Variants in PML observed in about 807,000 individuals in gnomAD.
PML encodes the protein PML nuclear body scaffold.
A neutral mutation model predicts 65.2 loss-of-function variants in PML; 28 were observed. That is an observed-to-expected ratio of 0.43 (90% CI 0.32 to 0.59). The LOEUF is 0.59. Ranked by LOEUF, PML falls within the 20% of genes least tolerant of loss-of-function variation. The probability of loss-of-function intolerance (pLI) is 0.08; values close to 1 mark genes in which losing one functional copy is unlikely to be tolerated. For missense variants in PML, 1,021 were observed against 1,203.4 expected (o/e 0.85, Z 2.24); for synonymous variants, 500 against 508.8 (o/e 0.98, Z 0.23).
Position 74,037,041 on chromosome 15 carries a change from C to G in PML, c.1710+2511C>G. 3.0e-6 allele frequency: 3 copies of G among 985,464 alleles called. No individual in the cohort carries two copies. Among genetic ancestry groups the G allele is most frequent in the Non-Finnish European group, 3.6e-6 (3 of 829,932 alleles). 61.0% of individuals were successfully genotyped at this position (985,464 alleles called of 1,614,324 possible). ...ATCCTGGAAGGACTCAGGAGCTTGTCGCCTCTGTGCTGCCACCTGGAGACC... is the reference window on the plus strand; with the variant it reads ...ATCCTGGAAGGACTCAGGAGCTTGTGGCCTCTGTGCTGCCACCTGGAGACC... On this transcript the variant is annotated intron_variant, in intron 7 of 8. Transcript: ENST00000268058. The surrounding 1 kb of genome is among the most constrained non-coding windows in gnomAD (Gnocchi z 4.2).
Position 74,035,065 on chromosome 15 carries a change from A to G in PML, c.1710+535A>G. The G allele has an allele frequency of 3.0e-6, 4 of 1,328,384 alleles. No homozygotes were observed. The allele number at this position is 1,328,384 out of a possible 1,614,324, so 82.3% of individuals were successfully genotyped here. A position where few individuals can be genotyped will look rare whatever the true frequency, so the allele number is the denominator to read the frequency against. The stretch of plus-strand genomic sequence containing the variant: ...CTAGAGGTTTATTACTAGAGGCTGG[A>G]CTATCACCTGTCCAGGGGAAAAGGG... On this transcript the variant is annotated intron_variant, in intron 7 of 8. Coordinates refer to ENST00000268058, the MANE Select transcript of PML (RefSeq NM_033238.3). The surrounding 1 kb of genome is among the most constrained non-coding windows in gnomAD (Gnocchi z 4.1).
intron 2 of PML, among the ~76,000 whole-genome samples, chr15:74,009,732 T>G (rs2070231298): frequency 6.6e-6 from 1 of 151,496 alleles, no homozygotes; most frequent in South Asian, 2.1e-4. Flanking sequence ...TACCTTAGCC[T>G]TCCTAGTTTG....
At chr15:74,025,051 T>A in intron 4 of PML, 124 bp downstream of exon 4, 1 of 727,498 alleles carries the variant, frequency 1.4e-6, no homozygotes, top group South Asian at 1.5e-5. Context: ...GTGGCTGGAC[T>A]GGAAATTTCA....
chr15:74,032,780 G>A (rs1303476606), intron 5 of PML, 65 bp downstream of exon 5: 1 of 1,551,246 alleles, frequency 6.4e-7, no homozygotes, highest in Non-Finnish European at 8.9e-7. Flanking sequence ...AAAGTGAGCT[G>A]GCACTGGGGT....
In PML at chr15:74,045,255, A is replaced by T; in HGVS notation, c.*247A>T. On this transcript the variant is annotated 3_prime_UTR_variant, in exon 9 of 9. Transcript: ENST00000268058. ...ACTCCTATTAGCCCCTCCTTCCAGGAGCTAGAACCAGGGAGGTCCTGAGTG... is the reference window on the plus strand; with the variant it reads ...ACTCCTATTAGCCCCTCCTTCCAGGTGCTAGAACCAGGGAGGTCCTGAGTG... 1.2e-5 allele frequency: 6 copies of T among 517,604 alleles called. No individual in the cohort carries two copies. The South Asian group carries it at 1.4e-4, about 12-fold the overall frequency. The allele number at this position is 517,604 out of a possible 1,614,324, so 32.1% of individuals were successfully genotyped here.
In PML at chr15:74,035,508, A is replaced by T; in HGVS notation, c.1710+978A>T. 6.2e-7 allele frequency: 1 copy of T among 1,611,662 alleles called. No individual in the cohort carries two copies. On this transcript the variant is annotated intron_variant, in intron 7 of 8. Coordinates refer to ENST00000268058, the MANE Select transcript of PML (RefSeq NM_033238.3). The surrounding 1 kb of genome is among the most constrained non-coding windows in gnomAD (Gnocchi z 4.1). ...GCACCCTCAATTGCATCGGGCCCCT[A>T]TTCGGACTTGGTCTCCCCATGTGGT... is the stretch of plus-strand genomic sequence containing the variant.
At chr15:74,028,262 G>A (rs1016271417) in intron 4 of PML, 1 of 152,112 alleles carries the variant, frequency 6.6e-6, no homozygotes, top group African/African-American at 2.4e-5. Flanking sequence ...CCTCTGGTGT[G>A]TTCCCTGTTT....
intron 2 of PML, among the ~76,000 whole-genome samples, chr15:74,016,792 C>CTTTTTATTTTTTTTTTT (rs2070601372): frequency 1.3e-5 from 1 of 77,648 alleles, no homozygotes; most frequent in East Asian, 4.4e-4. Context: ...GCAGTGGCAT[C>CTTTTTATTTTTTTTTTT]TTTTTTTTTT....
At chr15:74,013,933 G>A (rs947422680) in intron 2 of PML, among the ~76,000 whole-genome samples, 2 of 152,120 alleles carry the variant, frequency 1.3e-5, no homozygotes, top group Non-Finnish European at 2.9e-5. Context: ...GTAGTGTATT[G>A]TTATGAAAGT....
In PML at chr15:74,043,380, G is replaced by A; in HGVS notation, c.1861+241G>A. ...GCGAGAGAGGCAGATGCCTCCACAA[G>A]TGCACCTCTGACCAGTTCTTCTCTC... On this transcript the variant is annotated intron_variant, in intron 8 of 8. Transcript: ENST00000268058. The surrounding 1 kb of genome is among the most constrained non-coding windows in gnomAD (Gnocchi z 4.3). 5 of 1,435,786 alleles carry A rather than the reference G, an allele frequency of 3.5e-6. No homozygotes were observed. Among genetic ancestry groups the A allele is most frequent in the Non-Finnish European group, 3.6e-6 (4 of 1,101,584 alleles). The allele number at this position is 1,435,786 out of a possible 1,614,324, so 88.9% of individuals were successfully genotyped here. A position where few individuals can be genotyped will look rare whatever the true frequency, so the allele number is the denominator to read the frequency against.
intron 2 of PML, 37 bp from the exon 3 acceptor site, chr15:74,022,791 G>C: frequency 6.5e-7 from 1 of 1,547,794 alleles, no homozygotes; most frequent in Non-Finnish European, 8.9e-7. Context: ...AAAAAGTCAG[G>C]AGAGTCCTAA....
In PML at chr15:74,022,927, G is replaced by A. The variant is rs2070904640; in HGVS notation, c.702G>A (p.Gln234=). ...AGTGCGACATCAGCGCAGAGATCCA[G>A]CAGCGACAGGAGGAGCTGGACGCCA... ...ELKCDISAEI[Q]QRQEELDAMT... is the part of the protein sequence containing the mutation. Residue 234 remains glutamine (Q), a synonymous_variant, in exon 3 of 9, where the codon CAG becomes CAA. Transcript: ENST00000268058. 5.6e-6 allele frequency: 9 copies of A among 1,612,468 alleles called. No individual in the cohort carries two copies. The highest frequency in any genetic ancestry group is 7.6e-6 in the Non-Finnish European group (9 of 1,179,398).
At position 74,043,210 on chromosome 15, in the gene PML, G is replaced by A. The variant is rs1276897759; in HGVS notation, c.1861+71G>A. The stretch of plus-strand genomic sequence containing the variant: ...TGAGTCCCAAAAAGAAGTGCAGGCA[G>A]AGCCATCTGCCAGGCCCAGGAGAGC... On this transcript the variant is annotated intron_variant, in intron 8 of 8. Coordinates refer to ENST00000268058, the MANE Select transcript of PML (RefSeq NM_033238.3). This position sits in a 1 kb window ranked among gnomAD's most constrained non-coding sequence, Gnocchi z 4.3. 1.2e-6 allele frequency: 2 copies of A among 1,613,500 alleles called. No individual in the cohort carries two copies. The highest frequency in any genetic ancestry group is 1.7e-6 in the Non-Finnish European group (2 of 1,179,818).
Position 74,033,170 on chromosome 15 carries a change from A to C in PML, c.1413A>C (p.Thr471=). ...CCTCTATGCAGGATGTCTCCAATAC[A>C]ACGACAGCCCAGAAGAGGAAGTGCA... ...GPSYGEDVSN[T]TTAQKRKCSQ... is the part of the protein sequence containing the mutation. The change falls in exon 6 of 9, where the codon ACA becomes ACC. Residue 471 remains threonine (T), a synonymous_variant. Transcript: ENST00000268058. 6.2e-7 allele frequency: 1 copy of C among 1,614,090 alleles called. No homozygotes were observed. Among genetic ancestry groups the C allele is most frequent in the South Asian group, 1.1e-5 (1 of 91,070 alleles).
intron 4 of PML, 156 bp downstream of exon 4, chr15:74,025,083 C>A: frequency 4.6e-6 from 3 of 653,898 alleles, no homozygotes; most frequent in Non-Finnish European, 8.5e-6. Context: ...TAAAGGAAGA[C>A]ATTAAAGAAG....
intron 2 of PML, among the ~76,000 whole-genome samples, chr15:74,004,112 T>C (rs1200634977): frequency 6.6e-6 from 1 of 152,192 alleles, no homozygotes; most frequent in Non-Finnish European, 1.5e-5. Context: ...TTTATTTTTA[T>C]TTATTTTACT....
At chr15:74,015,939 G>T (rs1290137180) in intron 2 of PML, among the ~76,000 whole-genome samples, 12 of 152,196 alleles carry the variant, frequency 7.9e-5, no homozygotes, top group African/African-American at 2.9e-4. Context: ...ACAGCTTTAG[G>T]ATGGGGAGAC....
intron 2 of PML, among the ~76,000 whole-genome samples, chr15:74,004,256 C>T (rs771908661): frequency 6.6e-6 from 1 of 152,158 alleles, no homozygotes; most frequent in Admixed American, 6.5e-5. Flanking sequence ...ACTACAGGCA[C>T]CTGCCACCGT....
intron 7 of PML, chr15:74,036,045 G>A (rs1423416904): frequency 6.2e-7 from 1 of 1,614,082 alleles, no homozygotes; most frequent in Admixed American, 1.7e-5. Context: ...GCCCTGCACA[G>A]AGTAGCACTC....
Sources: gnomAD v4.1 joint callset for allele counts (sites outside exome capture counted in the v4.1 genomes callset) on GRCh38, gnomAD v4.1.1 for gene constraint, Gnocchi (gnomAD v3.1) non-coding constraint, MANE v1.5 for transcripts, NCBI Gene and HGNC (gene_info 2026-07-23, HGNC 2026-07-21) for gene names.